COL9A3: variants seen among roughly 807,000 people sequenced by gnomAD.
The protein encoded by COL9A3 is collagen alpha-3(IX) chain.
A neutral mutation model predicts 110.2 loss-of-function variants in COL9A3; 82 were observed. The observed-to-expected ratio is 0.74, with a 90% confidence interval of 0.62 to 0.89. The LOEUF (loss-of-function observed/expected upper bound fraction) is 0.89. Among genes scored for constraint, COL9A3 ranks in the 40% least tolerant of loss-of-function variants. The probability of loss-of-function intolerance (pLI) is 0.00; values close to 1 mark genes in which losing one functional copy is unlikely to be tolerated. For synonymous variants in COL9A3, 494 were observed against 403.8 expected, an observed-to-expected ratio of 1.22 and a Z score of -2.68; for missense variants, 1,066 against 981.3, an observed-to-expected ratio of 1.09 and a Z score of -1.15.
At chr20:62,833,135 C>T (rs1568761298) in intron 26 of COL9A3, 71 bp downstream of exon 26, 1 of 1,288,920 alleles carries the variant, frequency 7.8e-7, no homozygotes, top group South Asian at 1.2e-5. Context: ...GGGGAACAGT[C>T]CTGGGGACAG....
intron 29 of COL9A3, 52 bp downstream of exon 29, chr20:62,836,584 T>G (rs1229443959): frequency 5.2e-6 from 8 of 1,547,138 alleles, no homozygotes; most frequent in Non-Finnish European, 7.0e-6. Flanking sequence ...CGCCTGGGGG[T>G]CCCGTGCCTG....
At chr20:62,817,434 C>T in intron 1 of COL9A3, 133 bp from the exon 2 acceptor site, 1 of 664,172 alleles carries the variant, frequency 1.5e-6, no homozygotes, top group Non-Finnish European at 2.5e-6. Context: ...GGGCTCCGCC[C>T]GAGGCTTTGG....
At position 62,835,916 on chromosome 20, in the gene COL9A3, C is replaced by T. The variant is rs1268648410; in HGVS notation, c.1369-5C>T. 3 of 1,614,242 alleles carry T rather than the reference C, an allele frequency of 1.9e-6. No individual in the cohort carries two copies. The highest frequency in any genetic ancestry group is 4.5e-5 in the East Asian group (2 of 44,890). ...AGTTCAAACACACAACTTTTCTCTT[C>T]ACAGGGTCCCAGCGGCCTGGTCGGA... is the stretch of plus-strand genomic sequence containing the variant. On this transcript the variant is annotated splice_region_variant and splice_polypyrimidine_tract_variant and intron_variant, in intron 26 of 31. Coordinates refer to ENST00000649368, the MANE Select transcript of COL9A3 (RefSeq NM_001853.4).
intron 11 of COL9A3, among the ~76,000 whole-genome samples, 191 bp from the exon 12 acceptor site, chr20:62,824,777 G>A (rs904063760): frequency 1.3e-5 from 2 of 152,184 alleles, no homozygotes; most frequent in African/African-American, 2.4e-5. Context: ...GCTCCTGACC[G>A]CAGAGCGCCC....
chr20:62,841,036 A>G lies in COL9A3; in HGVS notation c.*304A>G, dbSNP rs1049343084. On this transcript the variant is annotated 3_prime_UTR_variant, in exon 32 of 32. Coordinates refer to ENST00000649368, the MANE Select transcript of COL9A3 (RefSeq NM_001853.4). ...GAAAAATATTCAGTAACTTGTTTAC[A>G]TAGCATTTGTGTAAAGACTATGATC... is the stretch of plus-strand genomic sequence containing the variant. 1.3e-5 allele frequency: 5 copies of G among 375,294 alleles called. No homozygotes were observed. Among genetic ancestry groups the G allele is most frequent in the Non-Finnish European group, 2.5e-5 (5 of 200,268 alleles). The allele number at this position is 375,294 out of a possible 1,614,324, so 23.2% of individuals were successfully genotyped here.
chr20:62,829,038 A>T (rs73157305), intron 19 of COL9A3, 62 bp downstream of exon 19: 389 of 1,530,078 alleles, frequency 2.5e-4, no homozygotes, highest in Non-Finnish European at 3.2e-4. Flanking sequence ...TCAGTGGCCC[A>T]TGTTGGGCTG....
chr20:62,828,082 C>A, intron 17 of COL9A3, 106 bp downstream of exon 17: 1 of 1,192,408 alleles, frequency 8.4e-7, no homozygotes, highest in Non-Finnish European at 1.2e-6. Context: ...TCTGCTGTGG[C>A]CATCTTGAAA....
intron 8 of COL9A3, 148 bp downstream of exon 8, chr20:62,821,958 G>T: frequency 1.3e-6 from 1 of 754,338 alleles, no homozygotes; most frequent in Non-Finnish European, 2.4e-6. Context: ...CCTGGCCAAT[G>T]ATCCAGACCC....
intron 4 of COL9A3, 108 bp downstream of exon 4, chr20:62,819,401 C>T: frequency 9.0e-7 from 1 of 1,116,664 alleles, no homozygotes; most frequent in Non-Finnish European, 1.3e-6. Context: ...GGCGGGAAGC[C>T]CAGTCCTGAG....
intron 12 of COL9A3, chr20:62,825,459 T>C: frequency 2.5e-6 from 1 of 392,444 alleles, no homozygotes; most frequent in Non-Finnish European, 4.7e-6. Flanking sequence ...CATGGTCACC[T>C]GCAGGCCGGG....
chr20:62,826,470 A>C (rs1302863886), intron 14 of COL9A3, among the ~76,000 whole-genome samples: 1 of 152,132 alleles, frequency 6.6e-6, no homozygotes. Flanking sequence ...TGATGCCCGC[A>C]CGCGGTCCCA....
At position 62,826,497 on chromosome 20, in the gene COL9A3, A is replaced by G. The variant is rs1124903; in HGVS notation, c.738+240A>G. 0.23 allele frequency among the ~76,000 whole-genome samples: 35,470 copies of G among 151,820 alleles called. 4,641 individuals are homozygous for G. Among genetic ancestry groups the G allele is most frequent in the African/African-American group, 0.35 (14,683 of 41,392 alleles). ...GCGGTCCCAGGCTGCTGTGAGGGCT[A>G]TTCACGCGTGTGCCCGGGCGAGGGC... On this transcript the variant is annotated intron_variant, in intron 14 of 31. Coordinates refer to ENST00000649368, the MANE Select transcript of COL9A3 (RefSeq NM_001853.4).
At chr20:62,838,921 T>C (rs1380618487) in intron 31 of COL9A3, among the ~76,000 whole-genome samples, 160 bp downstream of exon 31, 1 of 152,144 alleles carries the variant, frequency 6.6e-6, no homozygotes, top group East Asian at 1.9e-4. Context: ...ATAACCACTT[T>C]AATACATAAA....
At chr20:62,825,735 C>A in intron 12 of COL9A3, 82 bp from the exon 13 acceptor site, 1 of 1,423,360 alleles carries the variant, frequency 7.0e-7, no homozygotes, top group Non-Finnish European at 9.7e-7. Flanking sequence ...GCTGCTTGGG[C>A]TTGAGTAGGG....
Position 62,819,339 on chromosome 20 carries a change from G to C in COL9A3, c.255+46G>C, listed in dbSNP as rs765691301. 2.6e-6 allele frequency: 4 copies of C among 1,553,384 alleles called. No homozygotes were observed. In the African/African-American group the frequency reaches 5.4e-5, roughly 21 times the overall value. The stretch of plus-strand genomic sequence containing the variant: ...CCGCCATGCCCCACTCCCCGCTCCG[G>C]GTCCCTGGAGGAGTCCGGCCCTAAT... On this transcript the variant is annotated intron_variant, in intron 4 of 31. Transcript: ENST00000649368.
intron 25 of COL9A3, among the ~76,000 whole-genome samples, chr20:62,832,620 T>C (rs1243377631): frequency 8.4e-6 from 1 of 118,688 alleles, no homozygotes; most frequent in Non-Finnish European, 2.0e-5. Flanking sequence ...GCATTTCTGC[T>C]GTTCGAAGCA....
chr20:62,833,638 C>T (rs1043289544), intron 26 of COL9A3, among the ~76,000 whole-genome samples: 1 of 151,910 alleles, frequency 6.6e-6, no homozygotes, highest in Non-Finnish European at 1.5e-5. Context: ...CTCCTGACCT[C>T]GTGATCATCC....
intron 15 of COL9A3, 117 bp downstream of exon 15, chr20:62,826,937 C>T: frequency 2.6e-6 from 3 of 1,137,386 alleles, no homozygotes; most frequent in Middle Eastern, 2.0e-4. Flanking sequence ...TGAGCTGTTC[C>T]CTGGACACCC....
Position 62,819,976 on chromosome 20 carries a change from G to C in COL9A3, c.303G>C (p.Gly101=). The change falls in exon 5 of 32, where the codon GGG becomes GGC. Residue 101 remains glycine, a synonymous_variant. Coordinates refer to ENST00000649368, the MANE Select transcript of COL9A3 (RefSeq NM_001853.4). The stretch of plus-strand genomic sequence containing the variant: ...CCCCTGGACCCAAGGGTGCCCCTGG[G>C]GAACGGGTAAGTGCCTGCGCCGAAC... The part of the protein sequence containing the change: ...DGPPGPKGAP[G]ERGSLGPPGP... 3.1e-6 allele frequency: 5 copies of C among 1,612,546 alleles called. No individual in the cohort carries two copies. Among genetic ancestry groups the C allele is most frequent in the Non-Finnish European group, 4.2e-6 (5 of 1,179,884 alleles).
Sources: gnomAD v4.1 joint callset for allele counts (sites outside exome capture counted in the v4.1 genomes callset) on GRCh38, gnomAD v4.1.1 for gene constraint, MANE v1.5 for transcripts, NCBI Gene and HGNC (gene_info 2026-07-23, HGNC 2026-07-21) for gene names.